TRIM44: variants seen among roughly 807,000 people sequenced by gnomAD.
The protein encoded by TRIM44 is tripartite motif-containing protein 44.
TRIM44 carries 13 observed loss-of-function variants against 37.4 expected under a neutral mutation model. The observed-to-expected ratio is 0.35, with a 90% CI of 0.23 to 0.55. TRIM44 has a LOEUF of 0.55. TRIM44 is among the 20% of genes least tolerant of loss of function. TRIM44 has a pLI of 0.89. For missense variants in TRIM44, 426 were observed against 437.2 expected (o/e 0.97, Z 0.23); for synonymous variants, 175 against 157.2 (o/e 1.11, Z -0.85).
Position 35,815,492 on chromosome 11 carries a change from G to A in TRIM44, c.*9107G>A, listed in dbSNP as rs1197076330. ...AAACCACTGATAACAATAAAAATGG[G>A]TATTTCTCAACACTCAAGCCAATTT... On this transcript the variant is annotated 3_prime_UTR_variant, in exon 5 of 5. Transcript: ENST00000299413. The A allele has an allele frequency of 6.6e-6, 1 of 152,040 alleles. No individual in the cohort carries two copies. Among genetic ancestry groups the A allele is most frequent in the Non-Finnish European group, 1.5e-5 (1 of 68,000 alleles). The allele number at this position is 152,040 out of a possible 1,614,324, so 9.4% of individuals were successfully genotyped here. A position where few individuals can be genotyped will look rare whatever the true frequency, so the allele number is the denominator to read the frequency against.
At chr11:35,670,414 G>A (rs1001874887) in intron 1 of TRIM44, among the ~76,000 whole-genome samples, 1 of 152,212 alleles carries the variant, frequency 6.6e-6, no homozygotes, top group African/African-American at 2.4e-5. Flanking sequence ...GATCTTGATA[G>A]TATTAAGTAG....
At chr11:35,769,097 G>A (rs1852833639) in intron 4 of TRIM44, among the ~76,000 whole-genome samples, 1 of 152,122 alleles carries the variant, frequency 6.6e-6, no homozygotes, top group Non-Finnish European at 1.5e-5. Flanking sequence ...GATGAACCAC[G>A]TGCTTTTTCC....
rs540074085 is a variant in TRIM44 at position 35,702,721 on chromosome 11, A to G, written c.747+17385A>G. Among the ~76,000 whole-genome samples, 4 of 152,372 alleles carry G rather than the reference A, an allele frequency of 2.6e-5. No homozygotes were observed. In the East Asian group the frequency reaches 7.7e-4, roughly 29 times the overall value. ...TTGAAGCCTAGGCTAAAAAAATTTC[A>G]TTAACAATCAAGTGTCATTAATAGA... On this transcript the variant is annotated intron_variant, in intron 2 of 4. Coordinates refer to ENST00000299413, the MANE Select transcript of TRIM44 (RefSeq NM_017583.6).
chr11:35,761,085 G>A (rs1291822567), intron 4 of TRIM44, among the ~76,000 whole-genome samples: 1 of 152,088 alleles, frequency 6.6e-6, no homozygotes, highest in Non-Finnish European at 1.5e-5. Context: ...TTAATATAAT[G>A]TCCTTCAGGT....
rs181035700 is a variant in TRIM44, at chr11:35,703,162, A to G, written c.747+17826A>G. Among the ~76,000 whole-genome samples, 306 of 152,320 alleles carry G rather than the reference A, an allele frequency of 2.0e-3. 1 individual carries two copies. The highest frequency in any genetic ancestry group is 7.1e-3 in the African/African-American group (295 of 41,574). Reference sequence around the variant, plus strand: ...ACAGAGTCTCGCTGATTGCTAGCACAGCAGACTGAGATAAACCTGCAAGGC... The same window carrying G: ...ACAGAGTCTCGCTGATTGCTAGCACGGCAGACTGAGATAAACCTGCAAGGC... On this transcript the variant is annotated intron_variant, in intron 2 of 4. Coordinates refer to ENST00000299413, the MANE Select transcript of TRIM44 (RefSeq NM_017583.6).
At chr11:35,740,661 T>A (rs1852385945) in intron 4 of TRIM44, among the ~76,000 whole-genome samples, 1 of 152,206 alleles carries the variant, frequency 6.6e-6, no homozygotes, top group African/African-American at 2.4e-5. Context: ...ACCTAGCTTC[T>A]ATTTTTGATT....
At chr11:35,705,214 A>G (rs529625560) in intron 2 of TRIM44, among the ~76,000 whole-genome samples, 3 of 151,736 alleles carry the variant, frequency 2.0e-5, no homozygotes, top group East Asian at 3.9e-4. Flanking sequence ...AGAGCTAACT[A>G]TCCTAAATAT....
intron 4 of TRIM44, among the ~76,000 whole-genome samples, chr11:35,751,846 A>ACAT (rs1235865878): frequency 6.6e-6 from 1 of 152,220 alleles, no homozygotes; most frequent in Non-Finnish European, 1.5e-5. Context: ...ATGTGCACGG[A>ACAT]CATCTCATTT....
At chr11:35,752,426 C>G (rs1852569722) in intron 4 of TRIM44, among the ~76,000 whole-genome samples, 1 of 152,118 alleles carries the variant, frequency 6.6e-6, no homozygotes, top group South Asian at 2.1e-4. Flanking sequence ...TGTAATTCTC[C>G]CAGTCAGAAC....
intron 4 of TRIM44, among the ~76,000 whole-genome samples, chr11:35,740,597 C>T (rs1194302411): frequency 2.0e-5 from 3 of 152,142 alleles, no homozygotes; most frequent in African/African-American, 7.2e-5. Context: ...ACCGATTCTG[C>T]GATCAAACAG....
chr11:35,671,493 A>G (rs2135483671), intron 1 of TRIM44, among the ~76,000 whole-genome samples: 1 of 152,340 alleles, frequency 6.6e-6, no homozygotes, highest in South Asian at 2.1e-4. Flanking sequence ...AAGGAGGCTA[A>G]TTATACAAGT....
At chr11:35,759,368 T>G (rs903194879) in intron 4 of TRIM44, among the ~76,000 whole-genome samples, 8 of 152,186 alleles carry the variant, frequency 5.3e-5, no homozygotes, top group African/African-American at 1.7e-4. Context: ...TTTAAGGACC[T>G]CTCTGCATTG....
At chr11:35,768,953 CA>C (rs769744050) in intron 4 of TRIM44, among the ~76,000 whole-genome samples, 25 of 152,136 alleles carry the variant, frequency 1.6e-4, no homozygotes, top group Non-Finnish European at 2.9e-4. Context: ...AAATTCCTGA[CA>C]AACATTTAAA....
intron 4 of TRIM44, among the ~76,000 whole-genome samples, chr11:35,788,301 T>C (rs1357720631): frequency 4.6e-5 from 7 of 152,192 alleles, no homozygotes; most frequent in Non-Finnish European, 1.0e-4. Context: ...TATGACTTGT[T>C]AACAGCCATT....
At chr11:35,689,300 T>C (rs1830449853) in intron 2 of TRIM44, among the ~76,000 whole-genome samples, 1 of 152,152 alleles carries the variant, frequency 6.6e-6, no homozygotes, top group South Asian at 2.1e-4. Context: ...GGTTAAGAAA[T>C]AGGGTACAAG....
At chr11:35,776,474 T>C (rs193098764) in intron 4 of TRIM44, among the ~76,000 whole-genome samples, 115 of 152,332 alleles carry the variant, frequency 7.5e-4, no homozygotes, top group African/African-American at 2.6e-3. Flanking sequence ...TCTGTTCTGA[T>C]CTTAGTTATT....
Position 35,726,137 on chromosome 11 carries a change from A to G in TRIM44, c.961A>G (p.Asn321Asp). The stretch of plus-strand genomic sequence containing the variant: ...AGCCAAGGAACAACTTGATACCTCT[A>G]ATGAATCAGCTGAGCCAAAGGCAGA... Reference protein sequence around the residue: ...AQAKEQLDTSNESAEPKAEGD... With the variant: ...AQAKEQLDTSDESAEPKAEGD... The change falls in exon 3 of 5, where the codon AAT becomes GAT. Residue 321 changes from asparagine to aspartate, a missense_variant. Physicochemically the swap from Asn to Asp is conservative, Grantham distance 23 (BLOSUM62 1). This residue lies in a region of TRIM44 where 95 missense variants were observed against 134.2 expected (regional missense o/e 0.71). Coordinates refer to ENST00000299413, the MANE Select transcript of TRIM44 (RefSeq NM_017583.6). 1 of 1,614,148 alleles carries G rather than the reference A, an allele frequency of 6.2e-7. No homozygotes were observed. The highest frequency in any genetic ancestry group is 8.5e-7 in the Non-Finnish European group (1 of 1,180,002).
intron 4 of TRIM44, among the ~76,000 whole-genome samples, chr11:35,749,820 A>G (rs779108369): frequency 2.0e-5 from 3 of 152,254 alleles, no homozygotes; most frequent in Non-Finnish European, 4.4e-5. Context: ...AAAATTTGGG[A>G]GCTTGACTGA....
chr11:35,689,697 T>G (rs1851618891), intron 2 of TRIM44, among the ~76,000 whole-genome samples: 1 of 152,228 alleles, frequency 6.6e-6, no homozygotes, highest in Non-Finnish European at 1.5e-5. Flanking sequence ...TTTTATTTCT[T>G]TATCTTCACA....
Sources: allele counts gnomAD v4.1 joint callset (sites outside exome capture counted in the v4.1 genomes callset), GRCh38; gene constraint gnomAD v4.1.1; regional missense constraint gnomAD v4.1.1; transcripts MANE v1.5; gene names NCBI Gene and HGNC (gene_info 2026-07-23, HGNC 2026-07-21).